DACH1: variants seen among roughly 807,000 people sequenced by gnomAD.
DACH1 encodes the protein dachshund homolog 1.
Under a neutral mutation model 54.2 loss-of-function variants are expected in DACH1, and 12 were observed. The observed-to-expected ratio is 0.22, with a 90% confidence interval of 0.14 to 0.36. The LOEUF (loss-of-function observed/expected upper bound fraction) is 0.36. Ranked by LOEUF, DACH1 falls within the 10% of genes least tolerant of loss-of-function variation. The pLI is 1.00. For missense variants in DACH1, 805 were observed against 929.8 expected (o/e 0.87, Z 1.75); for synonymous variants, 386 against 366.2 (o/e 1.05, Z -0.62).
At chr13:71,765,086 A>G (rs1566486610) in intron 1 of DACH1, among the ~76,000 whole-genome samples, 1 of 152,174 alleles carries the variant, frequency 6.6e-6, no homozygotes, top group Non-Finnish European at 1.5e-5. Context: ...ACTGATACCA[A>G]TACAGTCTAC....
chr13:71,613,717 T>C (rs1489529434), intron 3 of DACH1, among the ~76,000 whole-genome samples: 1 of 152,152 alleles, frequency 6.6e-6, no homozygotes, highest in East Asian at 1.9e-4. Context: ...TGTGGGCTTT[T>C]GTGGTTGTTT....
At chr13:71,733,329 GT>G (rs905263431) in intron 1 of DACH1, among the ~76,000 whole-genome samples, 1 of 151,876 alleles carries the variant, frequency 6.6e-6, no homozygotes, top group Non-Finnish European at 1.5e-5. Flanking sequence ...GCCTGGCCAA[GT>G]TTTTTGTTTG....
At chr13:71,552,777 A>G (rs1443783076) in intron 6 of DACH1, among the ~76,000 whole-genome samples, 1 of 126,284 alleles carries the variant, frequency 7.9e-6, no homozygotes, top group African/African-American at 3.0e-5. Context: ...ATATATATAT[A>G]TATATATGGA....
chr13:71,856,339 T>C (rs74096822), intron 1 of DACH1, among the ~76,000 whole-genome samples: 302 of 152,084 alleles, frequency 2.0e-3, no homozygotes, highest in African/African-American at 7.1e-3. Flanking sequence ...CAAATCTGCA[T>C]GTACCATACT....
intron 1 of DACH1, among the ~76,000 whole-genome samples, chr13:71,853,473 C>A (rs1056914142): frequency 6.6e-6 from 1 of 152,084 alleles, no homozygotes; most frequent in Non-Finnish European, 1.5e-5. Context: ...TTTTGAAAGG[C>A]TTTCTCAAGA....
chr13:71,671,473 T>G (rs1880201773), intron 2 of DACH1, among the ~76,000 whole-genome samples: 2 of 152,010 alleles, frequency 1.3e-5, no homozygotes, highest in African/African-American at 2.4e-5. Flanking sequence ...AGGCACCTTT[T>G]AACTAGAAAG....
At chr13:71,568,060 A>G (rs1199380291) in intron 4 of DACH1, among the ~76,000 whole-genome samples, 1 of 152,018 alleles carries the variant, frequency 6.6e-6, no homozygotes, top group African/African-American at 2.4e-5. Context: ...TAACGTAATA[A>G]AGGAATACAT....
chr13:71,522,732 T>C (rs1352232396), intron 6 of DACH1, among the ~76,000 whole-genome samples: 1 of 152,122 alleles, frequency 6.6e-6, no homozygotes, highest in Non-Finnish European at 1.5e-5. Flanking sequence ...AATGACAGTT[T>C]AACCCATTTC....
At chr13:71,853,140 C>A (rs1366182731) in intron 1 of DACH1, among the ~76,000 whole-genome samples, 1 of 152,132 alleles carries the variant, frequency 6.6e-6, no homozygotes, top group Non-Finnish European at 1.5e-5. Context: ...TGAAGAAAAT[C>A]AATTTCTCTA....
At chr13:71,611,161 T>C (rs1467671322) in intron 3 of DACH1, among the ~76,000 whole-genome samples, 2 of 152,196 alleles carry the variant, frequency 1.3e-5, no homozygotes, top group Non-Finnish European at 2.9e-5. Flanking sequence ...ATTCAGACTT[T>C]CTCTTCATCA....
At chr13:71,855,560 T>C (rs1026121316) in intron 1 of DACH1, among the ~76,000 whole-genome samples, 1 of 152,070 alleles carries the variant, frequency 6.6e-6, no homozygotes, top group Non-Finnish European at 1.5e-5. Context: ...TTCTTCTTTA[T>C]TTGGAACAAA....
chr13:71,786,231 C>A (rs1435712765), intron 1 of DACH1, among the ~76,000 whole-genome samples: 2 of 152,152 alleles, frequency 1.3e-5, no homozygotes, highest in Non-Finnish European at 2.9e-5. Context: ...AGCTTATGCA[C>A]ATGTGCATGT....
At chr13:71,631,877 TC>T (rs1428590527) in intron 2 of DACH1, among the ~76,000 whole-genome samples, 1 of 152,046 alleles carries the variant, frequency 6.6e-6, no homozygotes, top group Non-Finnish European at 1.5e-5. Context: ...GACAGGCGGA[TC>T]CCTTGAGCCC....
chr13:71,627,481 C>G (rs1048321923), intron 3 of DACH1, among the ~76,000 whole-genome samples: 2 of 151,962 alleles, frequency 1.3e-5, no homozygotes, highest in African/African-American at 4.8e-5. Flanking sequence ...TTAAGTAGCA[C>G]CCCTCTGAAG....
chr13:71,623,204 C>A lies in DACH1; in HGVS notation c.1126+7352G>T, dbSNP rs898227791. 5.3e-5 allele frequency among the ~76,000 whole-genome samples: 8 copies of A among 151,474 alleles called. 1 individual carries two copies. Among genetic ancestry groups the A allele is most frequent in the African/African-American group, 1.9e-4 (8 of 41,316 alleles). On this transcript the variant is annotated intron_variant, in intron 3 of 10. Coordinates refer to ENST00000613252, the MANE Select transcript of DACH1 (RefSeq NM_080759.6). ...TCACCTGTTGCCATCATTAATGTTTCTATTCCTTTACATGAACAATAAAGA... is the reference window on the plus strand; with the variant it reads ...TCACCTGTTGCCATCATTAATGTTTATATTCCTTTACATGAACAATAAAGA...
At chr13:71,687,630 C>T (rs1881247487) in intron 1 of DACH1, among the ~76,000 whole-genome samples, 1 of 152,086 alleles carries the variant, frequency 6.6e-6, no homozygotes, top group Non-Finnish European at 1.5e-5. Context: ...TTTTTTGACA[C>T]AAGGTCTCAC....
intron 10 of DACH1, among the ~76,000 whole-genome samples, chr13:71,450,671 G>A (rs1356338205): frequency 6.6e-6 from 1 of 152,024 alleles, no homozygotes; most frequent in African/African-American, 2.4e-5. Flanking sequence ...CTCTTGCACA[G>A]TTTGCCAAAC....
chr13:71,716,180 T>C (rs193094861), intron 1 of DACH1, among the ~76,000 whole-genome samples: 1 of 152,052 alleles, frequency 6.6e-6, no homozygotes, highest in Non-Finnish European at 1.5e-5. Context: ...AATCATCATC[T>C]TCTATTGATT....
intron 1 of DACH1, among the ~76,000 whole-genome samples, chr13:71,708,516 GT>G (rs1465672431): frequency 3.3e-5 from 5 of 152,036 alleles, no homozygotes; most frequent in African/African-American, 1.2e-4. Flanking sequence ...TTGAATAGAA[GT>G]TTTCTGGTGT....
Sources: gnomAD v4.1 joint callset for allele counts (sites outside exome capture counted in the v4.1 genomes callset) on GRCh38, gnomAD v4.1.1 for gene constraint, MANE v1.5 for transcripts, NCBI Gene and HGNC (gene_info 2026-07-23, HGNC 2026-07-21) for gene names.